TADA2A: variants seen among roughly 807,000 people sequenced by gnomAD.
TADA2A encodes transcriptional adapter 2-alpha.
Under a neutral mutation model 67.4 loss-of-function variants are expected in TADA2A, and 38 were observed. The observed-to-expected ratio is 0.56, with a 90% CI of 0.44 to 0.74. TADA2A has a LOEUF of 0.74. Ranked by LOEUF, TADA2A falls within the 30% of genes least tolerant of loss-of-function variation. The probability of loss-of-function intolerance (pLI) is 0.00; values close to 1 mark genes in which losing one functional copy is unlikely to be tolerated. For missense variants in TADA2A, 454 were observed against 547.0 expected (o/e 0.83, Z 1.70); for synonymous variants, 192 against 181.6 (o/e 1.06, Z -0.46).
intron 7 of TADA2A, among the ~76,000 whole-genome samples, 175 bp downstream of exon 7, chr17:37,442,827 T>G (rs1386006668): frequency 6.6e-6 from 1 of 152,194 alleles, no homozygotes; most frequent in Non-Finnish European, 1.5e-5. Flanking sequence ...TTCTCATTTG[T>G]AAACATTTTC....
chr17:37,411,539 C>T, intron 2 of TADA2A, 149 bp downstream of exon 2: 1 of 736,528 alleles, frequency 1.4e-6, no homozygotes. Context: ...TCTCCTGCCT[C>T]AGCCGCCTGA....
intron 2 of TADA2A, among the ~76,000 whole-genome samples, chr17:37,422,665 T>C (rs944886360): frequency 6.6e-6 from 1 of 151,996 alleles, no homozygotes; most frequent in Admixed American, 6.6e-5. Context: ...CCCCCATCCC[T>C]GGCTGTTTGT....
intron 10 of TADA2A, among the ~76,000 whole-genome samples, chr17:37,462,916 A>G (rs2053580516): frequency 6.6e-6 from 1 of 152,186 alleles, no homozygotes; most frequent in Non-Finnish European, 1.5e-5. Context: ...CGGTGATAAA[A>G]ATACATATAG....
intron 11 of TADA2A, chr17:37,465,800 T>C (rs1284739616): frequency 7.0e-6 from 4 of 570,214 alleles, no homozygotes; most frequent in Non-Finnish European, 1.2e-5. Context: ...ATGGGAACTT[T>C]CAAATATATA....
At chr17:37,432,356 G>A (rs1597875697) in intron 4 of TADA2A, among the ~76,000 whole-genome samples, 1 of 150,418 alleles carries the variant, frequency 6.6e-6, no homozygotes, top group Admixed American at 6.6e-5. Context: ...TAGTAGAGAC[G>A]GGGTTTCACC....
intron 5 of TADA2A, among the ~76,000 whole-genome samples, chr17:37,439,849 C>T (rs563070069): frequency 6.6e-6 from 1 of 151,734 alleles, no homozygotes; most frequent in South Asian, 2.1e-4. Context: ...TTATTATTTA[C>T]AGCAATTATT....
intron 13 of TADA2A, 140 bp downstream of exon 13, chr17:37,470,672 C>CA: frequency 1.1e-6 from 1 of 922,626 alleles, no homozygotes; most frequent in Non-Finnish European, 1.5e-6. Flanking sequence ...CAGTCCATCT[C>CA]AGAAACAGTG....
At chr17:37,464,173 G>A (rs9907881) in intron 10 of TADA2A, among the ~76,000 whole-genome samples, 248 of 152,318 alleles carry the variant, frequency 1.6e-3, no homozygotes, top group African/African-American at 5.8e-3. Flanking sequence ...TGTTTGGTCA[G>A]TAGTGATCCC....
intron 6 of TADA2A, among the ~76,000 whole-genome samples, chr17:37,441,882 G>A (rs2052928027): frequency 6.6e-6 from 1 of 152,100 alleles, no homozygotes; most frequent in African/African-American, 2.4e-5. Flanking sequence ...TGGCGAGGCT[G>A]GTCTCGAACT....
At position 37,458,551 on chromosome 17, in the gene TADA2A, A is replaced by G. The variant is rs2053458273; in HGVS notation, c.632A>G (p.Tyr211Cys). The G allele has an allele frequency of 2.5e-6, 4 of 1,613,076 alleles. No homozygotes were observed. The highest frequency in any genetic ancestry group is 3.4e-6 in the Non-Finnish European group (4 of 1,179,542). ...CTGAAGATGGCTGTGGTAGATATCT[A>G]TCATTCCAGGTTAAAGGAGAGACAA... The part of the protein sequence containing the change: ...HALKMAVVDI[Y>C]HSRLKERQRR... The change falls in exon 9 of 16, where the codon TAT (tyrosine) becomes TGT (cysteine). Residue 211 changes from tyrosine to cysteine, a missense_variant. Tyr to Cys is a radical substitution (Grantham distance 194). This residue lies in a region of TADA2A where 403 missense variants were observed against 455.5 expected (regional missense o/e 0.88). Coordinates refer to ENST00000615182, the MANE Select transcript of TADA2A (RefSeq NM_001166105.3).
chr17:37,469,199 G>A (rs1175884274), intron 12 of TADA2A, among the ~76,000 whole-genome samples: 5 of 151,378 alleles, frequency 3.3e-5, no homozygotes, highest in African/African-American at 7.3e-5. Flanking sequence ...GAGCCACCAC[G>A]CCCGGCAATA....
chr17:37,474,363 T>C (rs1243391633), intron 14 of TADA2A, among the ~76,000 whole-genome samples, 193 bp from the exon 15 acceptor site: 3 of 152,234 alleles, frequency 2.0e-5, no homozygotes, highest in Non-Finnish European at 4.4e-5. Flanking sequence ...GAATATGTAA[T>C]TCATTTTCAA....
intron 7 of TADA2A, among the ~76,000 whole-genome samples, chr17:37,443,909 C>G (rs1351635329): frequency 6.6e-6 from 1 of 152,178 alleles, no homozygotes; most frequent in Non-Finnish European, 1.5e-5. Flanking sequence ...AATGTAGCCA[C>G]AAGTCTCTTG....
intron 14 of TADA2A, among the ~76,000 whole-genome samples, chr17:37,472,336 G>C (rs778774065): frequency 1.3e-5 from 2 of 151,804 alleles, no homozygotes; most frequent in Non-Finnish European, 2.9e-5. Flanking sequence ...AAAGTGCTGG[G>C]ATTACAGGCA....
In TADA2A at chr17:37,470,453, C is replaced by T. The variant is rs1022179164; in HGVS notation, c.949C>T (p.Arg317Cys). 1.1e-5 allele frequency: 18 copies of T among 1,612,598 alleles called. No homozygotes were observed. The highest frequency in any genetic ancestry group is 9.4e-5 in the African/African-American group (7 of 74,554). The change falls in exon 13 of 16, where the codon CGC becomes TGC. Residue 317 changes from arginine to cysteine, a missense_variant. Arg to Cys is a radical substitution (Grantham distance 180, BLOSUM62 -3). Coordinates refer to ENST00000615182, the MANE Select transcript of TADA2A (RefSeq NM_001166105.3). Reference protein sequence around the residue: ...KKTREEERLKRTMLSEVLQYI... With the variant: ...KKTREEERLKCTMLSEVLQYI... ...GACACGGGAGGAAGAGCGCCTTAAACGCACTATGCTCTCAGAAGTTCTCCA... is the reference window on the plus strand; with the variant it reads ...GACACGGGAGGAAGAGCGCCTTAAATGCACTATGCTCTCAGAAGTTCTCCA...
chr17:37,430,442 CAG>C (rs2052536132), intron 4 of TADA2A, among the ~76,000 whole-genome samples: 1 of 152,180 alleles, frequency 6.6e-6, no homozygotes, highest in Non-Finnish European at 1.5e-5. Context: ...TGTCATGTCA[CAG>C]AGCTGTATTT....
rs1258772527 is a variant in TADA2A at position 37,465,557 on chromosome 17, G to T, written c.823+16G>T. 6.2e-7 allele frequency: 1 copy of T among 1,613,898 alleles called. No individual in the cohort carries two copies. Among genetic ancestry groups the T allele is most frequent in the Admixed American group, 1.7e-5 (1 of 59,968 alleles). On this transcript the variant is annotated intron_variant, in intron 11 of 15. Coordinates refer to ENST00000615182, the MANE Select transcript of TADA2A (RefSeq NM_001166105.3). ...AGCCATGCATGTAGGTGGTTTTTGA[G>T]CCTTGAGCAGTATTTGTGTGTGTAT...
intron 15 of TADA2A, among the ~76,000 whole-genome samples, chr17:37,475,446 G>C (rs1470527318): frequency 1.3e-5 from 2 of 151,616 alleles, no homozygotes; most frequent in Non-Finnish European, 2.9e-5. Flanking sequence ...AAAGTGTTGG[G>C]ATTACAGGCG....
At chr17:37,439,406 C>T (rs1258725841) in intron 5 of TADA2A, among the ~76,000 whole-genome samples, 2 of 152,122 alleles carry the variant, frequency 1.3e-5, no homozygotes, top group African/African-American at 4.8e-5. Flanking sequence ...GCTCAGGCTC[C>T]CGAGTAGCTG....
Sources: allele counts gnomAD v4.1 joint callset (sites outside exome capture counted in the v4.1 genomes callset), GRCh38; gene constraint gnomAD v4.1.1; regional missense constraint gnomAD v4.1.1; transcripts MANE v1.5; gene names NCBI Gene and HGNC (gene_info 2026-07-23, HGNC 2026-07-21).